AP1G1: variants seen among roughly 807,000 people sequenced by gnomAD.
AP1G1 encodes the protein adaptor related protein complex 1 subunit gamma 1, also known as AP-1 complex subunit gamma-1.
In AP1G1, 7 loss-of-function variants were observed where a neutral mutation model predicts 108.3. The ratio of observed to expected loss-of-function variants is 0.06; its 90% CI spans 0.04 to 0.12. The LOEUF is 0.12. Ranked by LOEUF, AP1G1 falls within the 10% of genes least tolerant of loss-of-function variation. The pLI, the probability that AP1G1 is intolerant of heterozygous loss-of-function variation, is 1.00. For missense variants in AP1G1, 756 were observed against 1,010.7 expected, an observed-to-expected ratio of 0.75 and a Z score of 3.42; for synonymous variants, 379 against 353.5, an observed-to-expected ratio of 1.07 and a Z score of -0.81.
At chr16:71,735,244 T>A (rs1376423801) in intron 21 of AP1G1, among the ~76,000 whole-genome samples, 1 of 152,166 alleles carries the variant, frequency 6.6e-6, no homozygotes, top group Non-Finnish European at 1.5e-5. Flanking sequence ...GAGCCTCCTC[T>A]CCACATGACA....
At chr16:71,763,441 G>A (rs553729965) in intron 9 of AP1G1, among the ~76,000 whole-genome samples, 1 of 152,136 alleles carries the variant, frequency 6.6e-6, no homozygotes, top group South Asian at 2.1e-4. Context: ...CTATAGTACT[G>A]GTTACACAAC....
intron 2 of AP1G1, among the ~76,000 whole-genome samples, chr16:71,787,936 T>C (rs1189033448): frequency 1.3e-5 from 2 of 152,244 alleles, no homozygotes; most frequent in East Asian, 1.9e-4. Context: ...TATGACTATA[T>C]TGATGACCCA....
intron 15 of AP1G1, among the ~76,000 whole-genome samples, chr16:71,749,377 GGA>G (rs1229389132): frequency 1.3e-5 from 2 of 151,888 alleles, no homozygotes; most frequent in Admixed American, 6.6e-5. Flanking sequence ...CAGCTACTCA[GGA>G]GGCTGAGGTG....
chr16:71,792,612 G>T (rs2032445301), intron 1 of AP1G1, among the ~76,000 whole-genome samples: 1 of 152,138 alleles, frequency 6.6e-6, no homozygotes, highest in Non-Finnish European at 1.5e-5. Context: ...TAGCACTTTG[G>T]GAGCATTGAG....
chr16:71,750,266 T>C lies in AP1G1; in HGVS notation c.1351A>G (p.Met451Val), dbSNP rs756877717. The change falls in exon 14 of 23, where the codon ATG becomes GTG. Residue 451 changes from methionine to valine, a missense_variant. Physicochemically the swap from Met to Val is conservative, Grantham distance 21. Transcript: ENST00000299980. ...AGGCGCTGGACAGTATAGGCATGCA[T>C]CTCCACACTATTAGTTATTAACTGG... The part of the protein sequence containing the change: ...LIQLITNSVE[M>V]HAYTVQRLYK... 1 of 1,614,040 alleles carries C rather than the reference T, an allele frequency of 6.2e-7. No homozygotes were observed. Among genetic ancestry groups the C allele is most frequent in the South Asian group, 1.1e-5 (1 of 91,078 alleles).
chr16:71,764,522 A>G, intron 8 of AP1G1, 74 bp from the exon 9 acceptor site: 2 of 1,283,906 alleles, frequency 1.6e-6, no homozygotes. Context: ...AGGTAACAAG[A>G]GGCATTTTGT....
At chr16:71,807,653 A>G in intron 1 of AP1G1, 2 of 476,136 alleles carry the variant, frequency 4.2e-6, no homozygotes, top group Non-Finnish European at 7.1e-6. Flanking sequence ...AACCCAATAC[A>G]TGAAATCATT....
intron 6 of AP1G1, among the ~76,000 whole-genome samples, chr16:71,768,075 T>C (rs1359659897): frequency 6.6e-6 from 1 of 151,034 alleles, no homozygotes; most frequent in Non-Finnish European, 1.5e-5. Context: ...GTTCTATTTA[T>C]GGAATGACCA....
At chr16:71,805,936 G>C (rs777943674) in intron 1 of AP1G1, among the ~76,000 whole-genome samples, 1 of 151,734 alleles carries the variant, frequency 6.6e-6, no homozygotes, top group Non-Finnish European at 1.5e-5. Context: ...CAGGAGGATC[G>C]CTTGAGTCCA....
chr16:71,799,809 G>A (rs1162550955), intron 1 of AP1G1, among the ~76,000 whole-genome samples: 1 of 152,012 alleles, frequency 6.6e-6, no homozygotes, highest in Non-Finnish European at 1.5e-5. Flanking sequence ...TGATGCAGGA[G>A]AATGGCGTGA....
At chr16:71,744,449 A>C (rs143055067) in intron 19 of AP1G1, among the ~76,000 whole-genome samples, 3 of 152,316 alleles carry the variant, frequency 2.0e-5, no homozygotes, top group Non-Finnish European at 4.4e-5. Context: ...ATCTCTCCAC[A>C]AATGGCCACA....
intron 9 of AP1G1, among the ~76,000 whole-genome samples, chr16:71,762,175 G>A (rs1032850715): frequency 3.3e-5 from 5 of 152,080 alleles, no homozygotes; most frequent in African/African-American, 9.6e-5. Context: ...GGAATGTCAC[G>A]CAGCCATTAA....
intron 1 of AP1G1, chr16:71,808,276 T>G: frequency 3.2e-6 from 3 of 939,278 alleles, no homozygotes; most frequent in Non-Finnish European, 4.1e-6. Flanking sequence ...GAGGCCGATG[T>G]CCGGTTCCGA....
At chr16:71,790,945 GCA>G (rs2032375851) in intron 1 of AP1G1, among the ~76,000 whole-genome samples, 2 of 152,162 alleles carry the variant, frequency 1.3e-5, no homozygotes, top group African/African-American at 4.8e-5. Context: ...CACCAGCTGG[GCA>G]CAGTGGCTCA....
At chr16:71,758,216 T>C (rs964271608) in intron 11 of AP1G1, among the ~76,000 whole-genome samples, 2 of 152,228 alleles carry the variant, frequency 1.3e-5, no homozygotes, top group Non-Finnish European at 2.9e-5. Flanking sequence ...AGGCCAACTT[T>C]AGCTAAGTTC....
chr16:71,787,604 C>A (rs890194713), intron 2 of AP1G1, among the ~76,000 whole-genome samples: 2 of 152,168 alleles, frequency 1.3e-5, no homozygotes, highest in Non-Finnish European at 2.9e-5. Context: ...CCTCACTAGA[C>A]TTTTTTATAG....
At chr16:71,782,813 T>C (rs1232587760) in intron 2 of AP1G1, among the ~76,000 whole-genome samples, 7 of 152,084 alleles carry the variant, frequency 4.6e-5, no homozygotes, top group Non-Finnish European at 8.8e-5. Context: ...ATACTCAAAT[T>C]ATCTCTTTTG....
At chr16:71,774,394 A>G in intron 3 of AP1G1, 74 bp downstream of exon 3, 3 of 1,527,878 alleles carry the variant, frequency 2.0e-6, no homozygotes, top group Non-Finnish European at 2.7e-6. Context: ...AAAGAGCAAG[A>G]CTCCGTCTCA....
chr16:71,789,128 C>G, intron 2 of AP1G1, 151 bp downstream of exon 2: 2 of 693,792 alleles, frequency 2.9e-6, no homozygotes, highest in East Asian at 2.7e-5. Context: ...CTTTCCAGGT[C>G]TGTGGCTTGC....
Sources: allele counts gnomAD v4.1 joint callset (sites outside exome capture counted in the v4.1 genomes callset), GRCh38; gene constraint gnomAD v4.1.1; transcripts MANE v1.5; gene names NCBI Gene and HGNC (gene_info 2026-07-23, HGNC 2026-07-21).